The following ABCA10 variants were observed in gnomAD, a reference collection of about 807,000 sequenced individuals.
ABCA10 encodes ATP-binding cassette sub-family A member 10.
In ABCA10, 169 loss-of-function variants were observed where a neutral mutation model predicts 187.5. That is an observed-to-expected ratio of 0.90 (90% CI 0.80 to 1.02). The LOEUF (loss-of-function observed/expected upper bound fraction) is 1.02, where lower values mean the gene tolerates loss of function less well. Among genes scored for constraint, ABCA10 ranks in the 50% least tolerant of loss-of-function variants. The pLI, the probability that ABCA10 is intolerant of heterozygous loss-of-function variation, is 0.00. For missense variants in ABCA10, 1,727 were observed against 1,812.4 expected (o/e 0.95, Z 0.86); for synonymous variants, 574 against 601.8 (o/e 0.95, Z 0.68).
chr17:69,169,618 G>C (rs999296175), intron 25 of ABCA10, among the ~76,000 whole-genome samples: 1 of 152,302 alleles, frequency 6.6e-6, no homozygotes, highest in Non-Finnish European at 1.5e-5. Context: ...CCATAATTGA[G>C]ACAGCATGGT....
chr17:69,208,755 T>C (rs1161467149), intron 9 of ABCA10, among the ~76,000 whole-genome samples: 1 of 151,950 alleles, frequency 6.6e-6, no homozygotes, highest in Non-Finnish European at 1.5e-5. Context: ...AGAATTTAGA[T>C]GCCAGGCACA....
At chr17:69,173,012 G>A (rs780345369) in intron 25 of ABCA10, among the ~76,000 whole-genome samples, 3 of 152,100 alleles carry the variant, frequency 2.0e-5, no homozygotes, top group Non-Finnish European at 2.9e-5. Context: ...AATAAATAGG[G>A]CTGGTGTATA....
intron 25 of ABCA10, among the ~76,000 whole-genome samples, chr17:69,167,254 G>T (rs758616897): frequency 8.5e-5 from 13 of 152,244 alleles, no homozygotes; most frequent in Admixed American, 7.9e-4. Flanking sequence ...CCAACCTCTA[G>T]ATCAGGGGTC....
intron 3 of ABCA10, among the ~76,000 whole-genome samples, chr17:69,225,121 A>C (rs2074783049): frequency 1.7e-5 from 1 of 60,462 alleles, no homozygotes; most frequent in Non-Finnish European, 5.3e-5. Context: ...CATTAAAAAC[A>C]AACAAACAAA....
At chr17:69,224,690 A>G (rs940318958) in intron 3 of ABCA10, among the ~76,000 whole-genome samples, 59 of 121,180 alleles carry the variant, frequency 4.9e-4, no homozygotes, top group African/African-American at 2.1e-3. Context: ...TCTTATGGGA[A>G]AAAAAAAAAA....
intron 1 of ABCA10, among the ~76,000 whole-genome samples, chr17:69,237,736 T>C (rs2074880559): frequency 1.3e-5 from 2 of 152,112 alleles, no homozygotes; most frequent in African/African-American, 4.8e-5. Flanking sequence ...AAAGACAAGG[T>C]AATATTGGAG....
At chr17:69,199,393 T>A (rs1325423360) in intron 10 of ABCA10, among the ~76,000 whole-genome samples, 1 of 152,208 alleles carries the variant, frequency 6.6e-6, no homozygotes, top group Non-Finnish European at 1.5e-5. Flanking sequence ...GTTAAAAAAG[T>A]AATTAATTTG....
intron 11 of ABCA10, among the ~76,000 whole-genome samples, chr17:69,195,988 TTC>T (rs1011420051): frequency 1.3e-5 from 2 of 152,198 alleles, no homozygotes; most frequent in African/African-American, 4.8e-5. Flanking sequence ...ACAATCTGAT[TTC>T]TCTTTCCTTT....
chr17:69,194,493 T>C lies in ABCA10; in HGVS notation c.1237A>G (p.Ile413Val), dbSNP rs368769556. The C allele has an allele frequency of 6.3e-6, 10 of 1,598,642 alleles. No homozygotes were observed. The highest frequency in any genetic ancestry group is 8.5e-6 in the Non-Finnish European group (10 of 1,172,442). Residue 413 changes from isoleucine (I) to valine (V), a missense_variant and splice_region_variant, in exon 12 of 39, where the codon ATA becomes GTA. Ile to Val is a conservative substitution (Grantham distance 29). Coordinates refer to ENST00000690296, the MANE Select transcript of ABCA10 (RefSeq NM_001377321.1). ...KTGKVEALQG[I>V]FFDIYEGQIT... ...TGTCCTTCATATATGTCAAAAAATA[T>C]GCCTGTTTTAGAATAAAAAGTGGAA...
At position 69,155,012 on chromosome 17, in the gene ABCA10, T is replaced by C. The variant is rs776583054; in HGVS notation, c.3694+7A>G. 2 of 1,557,574 alleles carry C rather than the reference T, an allele frequency of 1.3e-6. No homozygotes were observed. Among genetic ancestry groups the C allele is most frequent in the Non-Finnish European group, 1.8e-6 (2 of 1,132,952 alleles). Reference sequence around the variant, plus strand: ...ATAATAATAATAAAAGGAACAATTGTTCAAACCTTTTTTAACACAAAAGGA... The same window carrying C: ...ATAATAATAATAAAAGGAACAATTGCTCAAACCTTTTTTAACACAAAAGGA... On this transcript the variant is annotated splice_region_variant and intron_variant, in intron 30 of 38. Coordinates refer to ENST00000690296, the MANE Select transcript of ABCA10 (RefSeq NM_001377321.1).
intron 36 of ABCA10, among the ~76,000 whole-genome samples, chr17:69,151,368 A>G (rs1188997376): frequency 6.6e-6 from 1 of 152,206 alleles, no homozygotes; most frequent in Non-Finnish European, 1.5e-5. Flanking sequence ...TCCAAAAGGA[A>G]GAACCTTGTC....
intron 19 of ABCA10, among the ~76,000 whole-genome samples, chr17:69,186,475 A>G (rs1421609076): frequency 4.6e-5 from 7 of 152,254 alleles, no homozygotes; most frequent in African/African-American, 1.2e-4. Flanking sequence ...CCCTCCGTCT[A>G]TCTCTCATTC....
chr17:69,151,855 G>A (rs1247256033), intron 36 of ABCA10, among the ~76,000 whole-genome samples, 188 bp downstream of exon 36: 1 of 152,056 alleles, frequency 6.6e-6, no homozygotes, highest in Non-Finnish European at 1.5e-5. Flanking sequence ...CCTTTTCTGA[G>A]GTCTAAAACA....
chr17:69,202,361 T>C (rs886962071), intron 9 of ABCA10, among the ~76,000 whole-genome samples: 4 of 152,192 alleles, frequency 2.6e-5, no homozygotes, highest in East Asian at 1.9e-4. Flanking sequence ...ATAGTGAGTA[T>C]ATAATTCACT....
intron 32 of ABCA10, 34 bp from the exon 33 acceptor site, chr17:69,153,580 T>G (rs756338910): frequency 1.2e-6 from 2 of 1,611,372 alleles, no homozygotes; most frequent in Non-Finnish European, 1.7e-6. Context: ...ACATGAAGTA[T>G]ATGGCAAATG....
chr17:69,149,170 T>A lies in ABCA10; in HGVS notation c.4478-82A>T. The A allele has an allele frequency of 2.0e-6, 3 of 1,471,636 alleles. No individual in the cohort carries two copies. In the South Asian group the frequency reaches 3.5e-5, roughly 17 times the overall value. 91.2% of individuals were successfully genotyped at this position (1,471,636 alleles called of 1,614,324 possible). ...AAGTCATACAATAGAGACAGTAGCT[T>A]CAAATTGTTTAGATACTGTAAGATA... On this transcript the variant is annotated intron_variant, in intron 37 of 38. Transcript: ENST00000690296.
chr17:69,201,615 A>C lies in ABCA10; in HGVS notation c.1060T>G (p.Ser354Ala), dbSNP rs377502008. 6.2e-7 allele frequency: 1 copy of C among 1,611,850 alleles called. No homozygotes were observed. Among genetic ancestry groups the C allele is most frequent in the Non-Finnish European group, 8.5e-7 (1 of 1,179,378 alleles). The change falls in exon 10 of 39, where the codon TCC becomes GCC. Residue 354 changes from serine to alanine, a missense_variant. Ser to Ala is a moderately conservative substitution (Grantham distance 99). Coordinates refer to ENST00000690296, the MANE Select transcript of ABCA10 (RefSeq NM_001377321.1). ...TCATGATGAGTATTTTGATGTTTGG[A>C]CCAAAATGAGGACTTAAGGAAAAAT... Reference protein sequence around the residue: ...PLFFLKSSFWSKHQNTHHEIF... With the variant: ...PLFFLKSSFWAKHQNTHHEIF...
intron 1 of ABCA10, chr17:69,244,503 T>C (rs1189607921): frequency 6.6e-6 from 1 of 151,706 alleles, no homozygotes; most frequent in Non-Finnish European, 1.5e-5. Context: ...ACATATATTA[T>C]AAATAAAAAA....
intron 1 of ABCA10, among the ~76,000 whole-genome samples, chr17:69,243,651 A>G (rs1030138353): frequency 2.0e-5 from 3 of 152,214 alleles, no homozygotes; most frequent in Admixed American, 1.3e-4. Flanking sequence ...TAATTCCGAC[A>G]CTTTGGGAGG....
Sources: gnomAD v4.1 joint callset for allele counts (sites outside exome capture counted in the v4.1 genomes callset) on GRCh38, gnomAD v4.1.1 for gene constraint, MANE v1.5 for transcripts, NCBI Gene and HGNC (gene_info 2026-07-23, HGNC 2026-07-21) for gene names.